ASPG: variants seen among roughly 807,000 people sequenced by gnomAD.
ASPG encodes the protein asparaginase, also known as 60 kDa lysophospholipase.
Under a neutral mutation model 63.2 loss-of-function variants are expected in ASPG, and 53 were observed. The observed-to-expected ratio is 0.84, with a 90% CI of 0.67 to 1.05. The LOEUF (loss-of-function observed/expected upper bound fraction) is 1.05. ASPG is among the 50% of genes least tolerant of loss of function. ASPG has a pLI of 0.00. For missense variants in ASPG, 741 were observed against 794.4 expected, an observed-to-expected ratio of 0.93 and a Z score of 0.81; for synonymous variants, 370 against 355.0, an observed-to-expected ratio of 1.04 and a Z score of -0.48.
intron 1 of ASPG, among the ~76,000 whole-genome samples, chr14:104,086,949 A>C: frequency 6.6e-6 from 1 of 151,434 alleles, no homozygotes; most frequent in African/African-American, 2.4e-5. Context: ...TCTGCCAACC[A>C]CTTCCCCGCC....
chr14:104,093,484 C>T lies in ASPG; in HGVS notation c.192-7C>T, dbSNP rs202155446. ...CTGTTCCGCCTCCTGCTGTTTCTGTCCCGCAGCCCGGCCAGCCGCAACCAG... is the reference window on the plus strand; with the variant it reads ...CTGTTCCGCCTCCTGCTGTTTCTGTTCCGCAGCCCGGCCAGCCGCAACCAG... On this transcript the variant is annotated splice_polypyrimidine_tract_variant and splice_region_variant and intron_variant, in intron 2 of 15. Transcript: ENST00000551177. The T allele has an allele frequency of 1.7e-4, 270 of 1,610,372 alleles. No individual in the cohort carries two copies. The highest frequency in any genetic ancestry group is 2.1e-4 in the Non-Finnish European group (245 of 1,178,152).
chr14:104,093,164 C>T (rs906315246), intron 2 of ASPG: 5 of 507,050 alleles, frequency 9.9e-6, no homozygotes, highest in Admixed American at 3.4e-5. Context: ...GGTGGCTGAC[C>T]ACCACAGCCG....
At chr14:104,102,631 G>A (rs2036929053) in intron 6 of ASPG, among the ~76,000 whole-genome samples, 1 of 152,248 alleles carries the variant, frequency 6.6e-6, no homozygotes, top group Admixed American at 6.5e-5. Context: ...TGCCATGAGT[G>A]TGGAGAGGGG....
rs8012375 is a variant in ASPG, at chr14:104,115,385, C to A, written c.*2841C>A. On this transcript the variant is annotated 3_prime_UTR_variant, in exon 16 of 16. Transcript: ENST00000551177. The stretch of plus-strand genomic sequence containing the variant: ...AGGGGAGCCCATCCAAGTGGCTGTG[C>A]GTCGGGAAGAGTCTGCCCAGGACTG... The A allele has an allele frequency of 6.6e-6, 1 of 152,144 alleles. No individual in the cohort carries two copies. Among genetic ancestry groups the A allele is most frequent in the Admixed American group, 6.5e-5 (1 of 15,278 alleles). 9.4% of individuals were successfully genotyped at this position (152,144 alleles called of 1,614,324 possible). A position where few individuals can be genotyped will look rare whatever the true frequency, so the allele number is the denominator to read the frequency against.
rs1357933480 is a variant in ASPG at position 104,093,171 on chromosome 14, GCCGCCAC to G, written c.192-319_192-313del. 2.4e-5 allele frequency: 12 copies of G among 505,896 alleles called. No homozygotes were observed. In the East Asian group the frequency reaches 4.4e-4, roughly 18 times the overall value. 31.3% of individuals were successfully genotyped at this position (505,896 alleles called of 1,614,324 possible). On this transcript the variant is annotated intron_variant, in intron 2 of 15. Transcript: ENST00000551177. The stretch of plus-strand genomic sequence containing the variant: ...GCCCTCGTGGTGGCTGACCACCACA[GCCGCCAC>G]AGGCGAGCCTCCTGCAAGCATCCTC...
rs1260483715 is a variant in ASPG, at chr14:104,110,831, G to A, written c.1521-671G>A. ...GGCCTGCTCCTGGCCTCCCCAGGTGGCGAGTGAGTTCTTCCCAGGAGGGTG... is the reference window on the plus strand; with the variant it reads ...GGCCTGCTCCTGGCCTCCCCAGGTGACGAGTGAGTTCTTCCCAGGAGGGTG... On this transcript the variant is annotated intron_variant, in intron 13 of 15. Transcript: ENST00000551177. The surrounding 1 kb of genome is among the most constrained non-coding windows in gnomAD (Gnocchi z 4.7). 1.0e-6 allele frequency: 1 copy of A among 985,358 alleles called. No individual in the cohort carries two copies. The highest frequency in any genetic ancestry group is 5.2e-4 in the Middle Eastern group (1 of 1,914). The allele number at this position is 985,358 out of a possible 1,614,324, so 61.0% of individuals were successfully genotyped here. A position where few individuals can be genotyped will look rare whatever the true frequency, so the allele number is the denominator to read the frequency against.
chr14:104,089,355 A>G (rs1205397463), intron 1 of ASPG, among the ~76,000 whole-genome samples: 1 of 149,000 alleles, frequency 6.7e-6, no homozygotes, highest in African/African-American at 2.5e-5. Flanking sequence ...CTCTACTAAA[A>G]ATACAAAAAA....
At chr14:104,087,760 T>C (rs1381803947) in intron 1 of ASPG, among the ~76,000 whole-genome samples, 1 of 152,192 alleles carries the variant, frequency 6.6e-6, no homozygotes, top group Admixed American at 6.5e-5. Context: ...GCAGGTGGAC[T>C]CTGTAACCCC....
chr14:104,103,247 C>G (rs1024364060), intron 6 of ASPG, among the ~76,000 whole-genome samples: 7 of 152,248 alleles, frequency 4.6e-5, no homozygotes, highest in Non-Finnish European at 1.0e-4. Flanking sequence ...TGCCCCTCGC[C>G]TGGCCAGCGG....
chr14:104,097,742 C>A, intron 5 of ASPG, 105 bp downstream of exon 5: 2 of 1,019,078 alleles, frequency 2.0e-6, no homozygotes, highest in Non-Finnish European at 2.9e-6. Context: ...GACGCCACTG[C>A]CAATAGCTGG....
At chr14:104,098,403 C>A (rs2036722097) in intron 5 of ASPG, among the ~76,000 whole-genome samples, 1 of 152,186 alleles carries the variant, frequency 6.6e-6, no homozygotes, top group African/African-American at 2.4e-5. Context: ...GGCTCTTGAG[C>A]AGCTTGACTA....
chr14:104,096,456 G>A (rs1036429927), intron 4 of ASPG, among the ~76,000 whole-genome samples: 21 of 152,102 alleles, frequency 1.4e-4, no homozygotes, highest in African/African-American at 5.1e-4. Context: ...GCCTGGCGCC[G>A]TCTCCCTTGT....
In ASPG at chr14:104,099,315, A is replaced by T. The variant is rs538953685; in HGVS notation, c.640+336A>T. On this transcript the variant is annotated intron_variant, in intron 6 of 15. Transcript: ENST00000551177. The stretch of plus-strand genomic sequence containing the variant: ...CCCAGTGACCACCTGGCTCTGCCAC[A>T]CCTCTGTGTGCCGTAGCCTCGTCCC... Among the ~76,000 whole-genome samples the T allele has an allele frequency of 2.0e-5, 3 of 152,250 alleles. No individual in the cohort carries two copies. In the South Asian group the frequency reaches 6.2e-4, roughly 32 times the overall value.
At chr14:104,090,723 G>A (rs1342524415) in intron 1 of ASPG, among the ~76,000 whole-genome samples, 2 of 152,250 alleles carry the variant, frequency 1.3e-5, no homozygotes, top group Non-Finnish European at 2.9e-5. Context: ...GAGGAAACAC[G>A]AGAGGGCGTT....
Position 104,112,688 on chromosome 14 carries a change from T to C in ASPG, c.*144T>C. On this transcript the variant is annotated 3_prime_UTR_variant, in exon 16 of 16. Coordinates refer to ENST00000551177, the MANE Select transcript of ASPG (RefSeq NM_001080464.3). ...AGGCCTTTGTTGGGCAGGACGGCAA[T>C]AAAGTCTCTGACATCCCCTCACCAG... 1 of 1,523,270 alleles carries C rather than the reference T, an allele frequency of 6.6e-7. No individual in the cohort carries two copies. Among genetic ancestry groups the C allele is most frequent in the East Asian group, 2.5e-5 (1 of 40,618 alleles). 94.4% of individuals were successfully genotyped at this position (1,523,270 alleles called of 1,614,324 possible). A position where few individuals can be genotyped will look rare whatever the true frequency, so the allele number is the denominator to read the frequency against.
chr14:104,103,219 A>C (rs2036958182), intron 6 of ASPG, among the ~76,000 whole-genome samples: 1 of 152,194 alleles, frequency 6.6e-6, no homozygotes, highest in Admixed American at 6.5e-5. Flanking sequence ...CCGGGCCTCC[A>C]TCTCTGCAGG....
chr14:104,097,591 A>G lies in ASPG; in HGVS notation c.467A>G (p.Asn156Ser). The change falls in exon 5 of 16, where the codon AAC (asparagine) becomes AGC (serine). Residue 156 changes from asparagine to serine, a missense_variant. By Grantham distance (46) the Asn-to-Ser change is conservative. Transcript: ENST00000551177. ...GCCCTGTGGAGCGACGGCCGTGAGA[A>G]CCTGCTGGGGGCACTGCTCATGGCT... ...IHALWSDGRE[N>S]LLGALLMAGQ... The G allele has an allele frequency of 1.3e-6, 2 of 1,563,776 alleles. No individual in the cohort carries two copies. The highest frequency in any genetic ancestry group is 1.7e-6 in the Non-Finnish European group (2 of 1,154,824).
rs780324026 is a variant in ASPG, at chr14:104,107,231, C to A, written c.1319C>A (p.Ala440Glu). 1.9e-6 allele frequency: 3 copies of A among 1,605,002 alleles called. No individual in the cohort carries two copies. Among genetic ancestry groups the A allele is most frequent in the Non-Finnish European group, 2.6e-6 (3 of 1,175,212 alleles). ...TTTAACGGCCAAACCCCACTGCACG[C>A]GGCCGCCCGGGGAGGCCACACAGAG... ...VDFNGQTPLH[A>E]AARGGHTEAV... is the part of the protein sequence containing the mutation. The change falls in exon 12 of 16, where the codon GCG (alanine) becomes GAG (glutamate). Residue 440 changes from alanine to glutamate, a missense_variant. Ala to Glu is a moderately radical substitution (Grantham distance 107). Transcript: ENST00000551177.
chr14:104,107,347 T>C lies in ASPG; in HGVS notation c.1433+2T>C, dbSNP rs1342543044. The C allele has an allele frequency of 2.6e-6, 4 of 1,567,366 alleles. No individual in the cohort carries two copies. The highest frequency in any genetic ancestry group is 2.3e-5 in the East Asian group (1 of 44,014). ...GCTGCTGCTGGCCGTGCGGGGCAGG[T>C]AATGGAGCTAGGGCTGCACAGAGCT... On this transcript the variant is annotated splice_donor_variant, in intron 12 of 15. Coordinates refer to ENST00000551177, the MANE Select transcript of ASPG (RefSeq NM_001080464.3). LOFTEE classifies it high-confidence loss of function.
Sources: gnomAD v4.1 joint callset for allele counts (sites outside exome capture counted in the v4.1 genomes callset) on GRCh38, gnomAD v4.1.1 for gene constraint, Gnocchi (gnomAD v3.1) non-coding constraint, MANE v1.5 for transcripts, NCBI Gene and HGNC (gene_info 2026-07-23, HGNC 2026-07-21) for gene names.